The following GABBR2 variants were observed in gnomAD, a reference collection of about 807,000 sequenced individuals.
The protein encoded by GABBR2 is gamma-aminobutyric acid type B receptor subunit 2, also known as G-protein coupled receptor 51.
A neutral mutation model predicts 105.6 loss-of-function variants in GABBR2; 23 were observed. That is an observed-to-expected ratio of 0.22 (90% CI 0.16 to 0.31). The LOEUF is 0.31. GABBR2 is among the 10% of genes least tolerant of loss of function. GABBR2 has a pLI of 1.00. For missense variants in GABBR2, 734 were observed against 1,245.5 expected, an observed-to-expected ratio of 0.59 and a Z score of 6.18; for synonymous variants, 478 against 499.7, an observed-to-expected ratio of 0.96 and a Z score of 0.58.
At chr9:98,651,604 TA>T (rs936321781) in intron 1 of GABBR2, among the ~76,000 whole-genome samples, 2 of 151,266 alleles carry the variant, frequency 1.3e-5, no homozygotes, top group Non-Finnish European at 1.5e-5. Flanking sequence ...TTGGCTAATT[TA>T]AAAAAAAATT....
At chr9:98,475,080 CA>C (rs1283590374) in intron 5 of GABBR2, among the ~76,000 whole-genome samples, 1 of 152,136 alleles carries the variant, frequency 6.6e-6, no homozygotes, top group Non-Finnish European at 1.5e-5. Context: ...TACCTCAAGG[CA>C]GTGATCACAC....
chr9:98,434,452 G>A (rs1825866558), intron 7 of GABBR2, among the ~76,000 whole-genome samples: 1 of 152,132 alleles, frequency 6.6e-6, no homozygotes, highest in Non-Finnish European at 1.5e-5. Flanking sequence ...TCAACAACAG[G>A]GTCTCTGAAG....
chr9:98,465,003 C>T (rs1184691300), intron 6 of GABBR2, among the ~76,000 whole-genome samples: 3 of 151,718 alleles, frequency 2.0e-5, no homozygotes, highest in Non-Finnish European at 4.4e-5. Flanking sequence ...GGACCTCTGC[C>T]TAGGAAAACC....
At chr9:98,501,354 G>A (rs1564094604) in intron 3 of GABBR2, among the ~76,000 whole-genome samples, 1 of 152,112 alleles carries the variant, frequency 6.6e-6, no homozygotes, top group African/African-American at 2.4e-5. Context: ...TAGTAGAGAC[G>A]GGGTTTCGCC....
At chr9:98,380,800 G>A (rs1014797263) in intron 11 of GABBR2, among the ~76,000 whole-genome samples, 1 of 152,176 alleles carries the variant, frequency 6.6e-6, no homozygotes, top group Admixed American at 6.5e-5. Flanking sequence ...ACTCACACAC[G>A]CACCCACCCT....
chr9:98,494,978 G>A (rs1306341716), intron 4 of GABBR2, among the ~76,000 whole-genome samples: 1 of 152,220 alleles, frequency 6.6e-6, no homozygotes, highest in Non-Finnish European at 1.5e-5. Flanking sequence ...GAATGTCAGC[G>A]CAGCTGCAGG....
chr9:98,423,255 A>G (rs918768959), intron 7 of GABBR2, among the ~76,000 whole-genome samples: 2 of 152,190 alleles, frequency 1.3e-5, no homozygotes, highest in African/African-American at 4.8e-5. Flanking sequence ...CTATTTCTCC[A>G]CATCCTCTCC....
intron 6 of GABBR2, among the ~76,000 whole-genome samples, chr9:98,457,928 C>T (rs1826355008): frequency 6.6e-6 from 1 of 152,214 alleles, no homozygotes; most frequent in Non-Finnish European, 1.5e-5. Context: ...AATTACCATC[C>T]TCCGAGGTCA....
rs147102486 is a variant in GABBR2, at chr9:98,648,698, T to C, written c.321+59719A>G. On this transcript the variant is annotated intron_variant, in intron 1 of 18. Transcript: ENST00000259455. Reference sequence around the variant, plus strand: ...AGCATCATAATCAATTGAATAGCTTTTAAATACCGACATTCCAGGCCTTAC... The same window carrying C: ...AGCATCATAATCAATTGAATAGCTTCTAAATACCGACATTCCAGGCCTTAC... Among the ~76,000 whole-genome samples, 47 of 152,304 alleles carry C rather than the reference T, an allele frequency of 3.1e-4. No homozygotes were observed. The East Asian group carries it at 9.1e-3, about 29-fold the overall frequency.
intron 1 of GABBR2, among the ~76,000 whole-genome samples, chr9:98,629,956 T>C (rs1381787956): frequency 6.6e-6 from 1 of 152,174 alleles, no homozygotes. Flanking sequence ...GTTTTTTTTC[T>C]TTTCTTCTTA....
At chr9:98,589,087 T>C (rs144259378) in intron 1 of GABBR2, among the ~76,000 whole-genome samples, 1 of 152,310 alleles carries the variant, frequency 6.6e-6, no homozygotes, top group Non-Finnish European at 1.5e-5. Context: ...GGACTGAGCA[T>C]GGCAGAGGAA....
intron 6 of GABBR2, among the ~76,000 whole-genome samples, chr9:98,459,234 G>A (rs1399262658): frequency 4.6e-5 from 7 of 152,046 alleles, no homozygotes; most frequent in Non-Finnish European, 8.8e-5. Flanking sequence ...GCTTATATCA[G>A]ACCAAAGCTC....
chr9:98,474,950 T>A (rs1159293088), intron 5 of GABBR2, among the ~76,000 whole-genome samples: 1 of 152,104 alleles, frequency 6.6e-6, no homozygotes, highest in East Asian at 1.9e-4. Context: ...GGGGTACATG[T>A]GAGTTAAAAG....
chr9:98,554,269 G>C (rs559706528), intron 2 of GABBR2, among the ~76,000 whole-genome samples: 1 of 152,090 alleles, frequency 6.6e-6, no homozygotes, highest in Non-Finnish European at 1.5e-5. Flanking sequence ...GCTGAGGTAA[G>C]AGGACCGCTT....
At chr9:98,606,879 A>G (rs776449465) in intron 1 of GABBR2, 3 of 563,156 alleles carry the variant, frequency 5.3e-6, no homozygotes, top group African/African-American at 1.9e-5. Flanking sequence ...CAGCAGCACC[A>G]TGGGAGGTCT....
intron 13 of GABBR2, among the ~76,000 whole-genome samples, chr9:98,318,077 T>C (rs1418152362): frequency 5.9e-5 from 9 of 152,162 alleles, no homozygotes; most frequent in Non-Finnish European, 1.2e-4. Flanking sequence ...TGCAAAGACA[T>C]CAGCATATTT....
intron 13 of GABBR2, among the ~76,000 whole-genome samples, chr9:98,318,483 T>C (rs1262154156): frequency 1.3e-5 from 2 of 152,154 alleles, no homozygotes; most frequent in Non-Finnish European, 2.9e-5. Context: ...ATCATGTGCT[T>C]CTGTGTGTCC....
intron 9 of GABBR2, 66 bp downstream of exon 9, chr9:98,394,109 T>C: frequency 8.7e-7 from 1 of 1,149,140 alleles, no homozygotes; most frequent in Non-Finnish European, 1.3e-6. Context: ...CCCTAACCCT[T>C]AGACAATGTC....
chr9:98,632,940 G>C (rs1829832775), intron 1 of GABBR2, among the ~76,000 whole-genome samples: 1 of 152,232 alleles, frequency 6.6e-6, no homozygotes, highest in African/African-American at 2.4e-5. Context: ...GAGCTCTGGA[G>C]AGCCTCAGGA....
Sources: gnomAD v4.1 joint callset for allele counts (sites outside exome capture counted in the v4.1 genomes callset) on GRCh38, gnomAD v4.1.1 for gene constraint, MANE v1.5 for transcripts, NCBI Gene and HGNC (gene_info 2026-07-23, HGNC 2026-07-21) for gene names.